Variants in ERICH6B observed in about 807,000 individuals in gnomAD.
The protein encoded by ERICH6B is glutamate rich 6B.
Under a neutral mutation model 80.0 loss-of-function variants are expected in ERICH6B, and 69 were observed. That is an observed-to-expected ratio of 0.86 (90% CI 0.71 to 1.05). ERICH6B has a LOEUF of 1.05. ERICH6B is among the 50% of genes least tolerant of loss of function. The pLI is 0.00. For synonymous variants in ERICH6B, 283 were observed against 291.9 expected, an observed-to-expected ratio of 0.97 and a Z score of 0.31; for missense variants, 754 against 796.1, an observed-to-expected ratio of 0.95 and a Z score of 0.64.
At chr13:45,560,445 T>G (rs1275377424) in intron 11 of ERICH6B, among the ~76,000 whole-genome samples, 1 of 152,200 alleles carries the variant, frequency 6.6e-6, no homozygotes, top group Non-Finnish European at 1.5e-5. Flanking sequence ...TTATAATTGG[T>G]GAACCTACAC....
intron 2 of ERICH6B, among the ~76,000 whole-genome samples, chr13:45,606,539 ATATATATATTTTTTTTTTT>A (rs1949866041): frequency 1.7e-4 from 2 of 11,450 alleles, no homozygotes; most frequent in Non-Finnish European, 4.3e-4. Context: ...ATATATATAT[ATATATATATTTTTTTTTTT>A]TTTTTTTTTT....
At chr13:45,581,227 C>T (rs1875650401) in intron 5 of ERICH6B, among the ~76,000 whole-genome samples, 1 of 152,082 alleles carries the variant, frequency 6.6e-6, no homozygotes, top group Non-Finnish European at 1.5e-5. Flanking sequence ...TTCTTGATTA[C>T]CCTTGTTTTC....
At chr13:45,547,499 C>T (rs569075108) in intron 13 of ERICH6B, among the ~76,000 whole-genome samples, 1 of 152,298 alleles carries the variant, frequency 6.6e-6, no homozygotes, top group South Asian at 2.1e-4. Context: ...CTACGGACTT[C>T]CTGGAGCCCT....
rs990040096 is a variant in ERICH6B at position 45,558,900 on chromosome 13, C to T, written c.1407+2469G>A. On this transcript the variant is annotated intron_variant, in intron 11 of 14. Transcript: ENST00000298738. ...ATATTGGTGTGTAGTTTTCTCTTTT[C>T]AGTATGTCCTTTCCTGGTTTTGGTA... 5.9e-5 allele frequency among the ~76,000 whole-genome samples: 9 copies of T among 151,998 alleles called. No individual in the cohort carries two copies. In the South Asian group the frequency reaches 6.2e-4, roughly 11 times the overall value.
At chr13:45,592,146 T>C (rs1025376923) in intron 3 of ERICH6B, among the ~76,000 whole-genome samples, 1 of 152,192 alleles carries the variant, frequency 6.6e-6, no homozygotes, top group Non-Finnish European at 1.5e-5. Context: ...CAGGAAGAGA[T>C]AATGGTTGGG....
At chr13:45,554,911 G>T (rs962492017) in intron 11 of ERICH6B, among the ~76,000 whole-genome samples, 1 of 152,202 alleles carries the variant, frequency 6.6e-6, no homozygotes, top group South Asian at 2.1e-4. Context: ...GGGATTTATT[G>T]CCTGTTTGTA....
rs1352943309 is a variant in ERICH6B at position 45,561,472 on chromosome 13, G to A, written c.1304C>T (p.Thr435Ile). ...SFTFHLMSKP[T>I]PEKPETEEIQ... ...TTCTTCTGTCTCAGGCTTCTCAGGT[G>A]TTGGTTTGCTCATTAAATGAAATGT... is the stretch of plus-strand genomic sequence containing the variant. The change falls in exon 11 of 15, where the codon ACA becomes ATA. Residue 435 changes from threonine to isoleucine, a missense_variant. Transcript: ENST00000298738. 4 of 1,551,924 alleles carry A rather than the reference G, an allele frequency of 2.6e-6. No homozygotes were observed. The African/African-American group carries it at 4.1e-5, about 16-fold the overall frequency.
intron 3 of ERICH6B, among the ~76,000 whole-genome samples, chr13:45,594,437 G>T (rs1434317881): frequency 6.6e-6 from 1 of 152,214 alleles, no homozygotes; most frequent in Non-Finnish European, 1.5e-5. Context: ...TGTTAAGAAT[G>T]CTTGATTCAT....
chr13:45,571,882 G>T (rs1184691267), intron 8 of ERICH6B, among the ~76,000 whole-genome samples: 1 of 152,118 alleles, frequency 6.6e-6, no homozygotes, highest in Non-Finnish European at 1.5e-5. Context: ...AGAGATACCT[G>T]GGCCATATCC....
In ERICH6B at chr13:45,568,404, T is replaced by C. The variant is rs1207046488; in HGVS notation, c.1098A>G (p.Glu366=). The stretch of plus-strand genomic sequence containing the variant: ...CTTCCAGTTCATTGTGAGCAGCCAT[T>C]TCTTTGATTATTGTTTTAAATACTG... ...YQTVFKTIIK[E]MAAHNELEED... The change falls in exon 9 of 15, where the codon GAA becomes GAG. Residue 366 remains glutamate (E), a synonymous_variant. Coordinates refer to ENST00000298738, the MANE Select transcript of ERICH6B (RefSeq NM_182542.3). 1.3e-6 allele frequency: 2 copies of C among 1,550,240 alleles called. No homozygotes were observed. Among genetic ancestry groups the C allele is most frequent in the Non-Finnish European group, 1.7e-6 (2 of 1,146,506 alleles).
intron 13 of ERICH6B, among the ~76,000 whole-genome samples, chr13:45,546,074 C>T (rs1873978916): frequency 6.6e-6 from 1 of 152,206 alleles, no homozygotes; most frequent in Non-Finnish European, 1.5e-5. Context: ...CCTTGTCTGT[C>T]TGCTGCGCTG....
chr13:45,574,850 C>G lies in ERICH6B; in HGVS notation c.1042G>C (p.Asp348His). ...SIDKLEVEDL[D>H]ENFLNSSYQT... is the part of the protein sequence containing the mutation. ...GTTTTTATCCAACTTACGTTTTCAT[C>G]TAAATCTTCCACTTCCAGCTTGTCA... Residue 348 changes from aspartate (D) to histidine (H), a missense_variant, in exon 8 of 15, where the codon GAT (aspartate) becomes CAT (histidine). Coordinates refer to ENST00000298738, the MANE Select transcript of ERICH6B (RefSeq NM_182542.3). The G allele has an allele frequency of 6.5e-7, 1 of 1,549,712 alleles. No homozygotes were observed. The highest frequency in any genetic ancestry group is 8.7e-7 in the Non-Finnish European group (1 of 1,145,706).
chr13:45,573,083 G>T (rs1875242393), intron 8 of ERICH6B, among the ~76,000 whole-genome samples: 1 of 152,006 alleles, frequency 6.6e-6, no homozygotes, highest in Admixed American at 6.5e-5. Context: ...AGCATCAACT[G>T]CTAGAAATTT....
At position 45,561,438 on chromosome 13, in the gene ERICH6B, C is replaced by T; in HGVS notation, c.1338G>A (p.Lys446=). The T allele has an allele frequency of 5.8e-6, 9 of 1,552,252 alleles. No individual in the cohort carries two copies. Among genetic ancestry groups the T allele is most frequent in the Non-Finnish European group, 7.0e-6 (8 of 1,147,128 alleles). ...TCCTATGATGAACAACACGTTGAGG[C>T]TTTTGGATTTCTTCTGTCTCAGGCT... ...PEKPETEEIQ[K]PQRVVHHRKK... Residue 446 remains lysine, a synonymous_variant, in exon 11 of 15, where the codon AAG becomes AAA. Coordinates refer to ENST00000298738, the MANE Select transcript of ERICH6B (RefSeq NM_182542.3).
At chr13:45,569,180 C>T (rs11618912) in intron 8 of ERICH6B, among the ~76,000 whole-genome samples, 12,310 of 152,088 alleles carry the variant, frequency 0.081, 786 homozygotes, top group African/African-American at 0.17. Flanking sequence ...GGCTGGAGTG[C>T]AGTGGCACAA....
rs1378586197 is a variant in ERICH6B at position 45,561,384 on chromosome 13, T to C, written c.1392A>G (p.Ile464Met). 1.3e-6 allele frequency: 2 copies of C among 1,552,196 alleles called. No homozygotes were observed. Among genetic ancestry groups the C allele is most frequent in the African/African-American group, 1.4e-5 (1 of 73,050 alleles). Residue 464 changes from isoleucine to methionine, a missense_variant, in exon 11 of 15, where the codon ATA becomes ATG. Coordinates refer to ENST00000298738, the MANE Select transcript of ERICH6B (RefSeq NM_182542.3). ...TCCCTCTTACCACTGTCTTCTTCTGTATCCATTCCTTATCTCGTTCTAATT... is the reference window on the plus strand; with the variant it reads ...TCCCTCTTACCACTGTCTTCTTCTGCATCCATTCCTTATCTCGTTCTAATT... ...RKKLERDKEW[I>M]QKKTVVHQGD... is the part of the protein sequence containing the mutation.
At chr13:45,588,875 G>T (rs1876038798) in intron 4 of ERICH6B, among the ~76,000 whole-genome samples, 1 of 152,204 alleles carries the variant, frequency 6.6e-6, no homozygotes, top group Non-Finnish European at 1.5e-5. Context: ...ACAGGGAGGA[G>T]CCATTGGATC....
At position 45,574,856 on chromosome 13, in the gene ERICH6B, C is replaced by CT; in HGVS notation, c.1035dup (p.Asp346ArgfsTer4). 1 of 1,549,548 alleles carries CT rather than the reference C, an allele frequency of 6.5e-7. No individual in the cohort carries two copies. The highest frequency in any genetic ancestry group is 8.7e-7 in the Non-Finnish European group (1 of 1,145,522). The stretch of plus-strand genomic sequence containing the variant: ...ATCCAACTTACGTTTTCATCTAAAT[C>CT]TTCCACTTCCAGCTTGTCAATGGAC... On this transcript the variant is annotated frameshift_variant, in exon 8 of 15. Transcript: ENST00000298738. LOFTEE classifies it high-confidence loss of function.
At chr13:45,546,030 G>C (rs1286486210) in intron 13 of ERICH6B, among the ~76,000 whole-genome samples, 1 of 152,190 alleles carries the variant, frequency 6.6e-6, no homozygotes, top group Admixed American at 6.5e-5. Flanking sequence ...TCCATCATCT[G>C]TTCTCTCTCA....
Sources: allele counts gnomAD v4.1 joint callset (sites outside exome capture counted in the v4.1 genomes callset), GRCh38; gene constraint gnomAD v4.1.1; transcripts MANE v1.5; gene names NCBI Gene and HGNC (gene_info 2026-07-23, HGNC 2026-07-21).